ANGEL2: variants seen among roughly 807,000 people sequenced by gnomAD.
ANGEL2 encodes RNA 2',3'-cyclic phosphatase ANGEL2.
ANGEL2 carries 41 observed loss-of-function variants against 66.0 expected under a neutral mutation model. The ratio of observed to expected loss-of-function variants is 0.62; its 90% CI spans 0.48 to 0.81. The LOEUF (loss-of-function observed/expected upper bound fraction) is 0.81, where lower values mean the gene tolerates loss of function less well. Ranked by LOEUF, ANGEL2 falls within the 30% of genes least tolerant of loss-of-function variation. The probability of loss-of-function intolerance (pLI) is 0.00; values close to 1 mark genes in which losing one functional copy is unlikely to be tolerated. For missense variants in ANGEL2, 561 were observed against 641.6 expected, an observed-to-expected ratio of 0.87 and a Z score of 1.36; for synonymous variants, 208 against 226.5, an observed-to-expected ratio of 0.92 and a Z score of 0.73.
chr1:212,995,687 T>G (rs910976774), intron 8 of ANGEL2, among the ~76,000 whole-genome samples: 9 of 152,232 alleles, frequency 5.9e-5, no homozygotes, highest in Non-Finnish European at 1.3e-4. Context: ...AGTGAACTTC[T>G]GTCAGCATGA....
In ANGEL2 at chr1:213,015,624, C is replaced by T; in HGVS notation, c.48G>A (p.Val16=). The T allele has an allele frequency of 6.2e-7, 1 of 1,614,100 alleles. No homozygotes were observed. The highest frequency in any genetic ancestry group is 1.1e-5 in the South Asian group (1 of 91,082). Reference sequence around the variant, plus strand: ...CCAGCCCTACTGACCGGCCTCTTCCCACCACACAGTGGCCGTAGCCCTTCC... The same window carrying T: ...CCAGCCCTACTGACCGGCCTCTTCCTACCACACAGTGGCCGTAGCCCTTCC... ...CVRKGYGHCV[V]GRGRYPMFPH... is the part of the protein sequence containing the mutation. The change falls in exon 1 of 9, where the codon GTG becomes GTA. Residue 16 remains valine (V), a synonymous_variant. Transcript: ENST00000366962.
chr1:212,997,148 T>C lies in ANGEL2; in HGVS notation c.1483+7A>G, dbSNP rs1354780916. The C allele has an allele frequency of 7.4e-6, 12 of 1,611,522 alleles. No homozygotes were observed. The highest frequency in any genetic ancestry group is 1.7e-5 in the Admixed American group (1 of 59,938). On this transcript the variant is annotated splice_region_variant and intron_variant, in intron 8 of 8. Coordinates refer to ENST00000366962, the MANE Select transcript of ANGEL2 (RefSeq NM_144567.5). ...TAGGAGAATTTAAGATTACATGCATTCCTTACCTGGGTGCCCAGCAACATC... is the reference window on the plus strand; with the variant it reads ...TAGGAGAATTTAAGATTACATGCATCCCTTACCTGGGTGCCCAGCAACATC...
At chr1:212,996,640 A>AATATATATATAT (rs34712162) in intron 8 of ANGEL2, among the ~76,000 whole-genome samples, 4 of 66,472 alleles carry the variant, frequency 6.0e-5, no homozygotes, top group African/African-American at 2.8e-4. Flanking sequence ...AAAAAAAAAA[A>AATATATATATAT]ATATATATAT....
At chr1:212,999,510 T>C (rs961569667) in intron 7 of ANGEL2, among the ~76,000 whole-genome samples, 3 of 152,330 alleles carry the variant, frequency 2.0e-5, no homozygotes, top group Non-Finnish European at 2.9e-5. Flanking sequence ...TTCTTATTTA[T>C]GTAGTAATAT....
At chr1:213,004,975 A>T in intron 5 of ANGEL2, 58 bp downstream of exon 5, 2 of 1,371,886 alleles carry the variant, frequency 1.5e-6, no homozygotes, top group Non-Finnish European at 2.0e-6. Context: ...CTATCTTCAC[A>T]TTATCATGAG....
At chr1:213,015,519 G>T in intron 1 of ANGEL2, 94 bp downstream of exon 1, 2 of 369,832 alleles carry the variant, frequency 5.4e-6, no homozygotes, top group South Asian at 2.9e-5. Flanking sequence ...CCCCTAGCCC[G>T]CCCCGCCCCG....
chr1:213,009,554 T>C (rs532960139), intron 2 of ANGEL2, among the ~76,000 whole-genome samples: 3 of 152,210 alleles, frequency 2.0e-5, no homozygotes, highest in Non-Finnish European at 2.9e-5. Context: ...ATTCCACCAA[T>C]CAAAAATTAA....
chr1:212,995,134 T>C lies in ANGEL2; in HGVS notation c.1542A>G (p.Thr514=), dbSNP rs549055917. The C allele has an allele frequency of 6.2e-7, 1 of 1,610,808 alleles. No homozygotes were observed. The highest frequency in any genetic ancestry group is 1.3e-5 in the African/African-American group (1 of 74,958). ...LKLLARLSLL[T]EQDLWTVNGL... Reference sequence around the variant, plus strand: ...CATTAACAGTCCATAAGTCTTGTTCTGTAAGAAGTGACAGTCTAGCTAGAA... The same window carrying C: ...CATTAACAGTCCATAAGTCTTGTTCCGTAAGAAGTGACAGTCTAGCTAGAA... Residue 514 remains threonine, a synonymous_variant, in exon 9 of 9, where the codon ACA becomes ACG. Coordinates refer to ENST00000366962, the MANE Select transcript of ANGEL2 (RefSeq NM_144567.5).
At chr1:213,015,226 T>G in intron 1 of ANGEL2, 1 of 1,061,852 alleles carries the variant, frequency 9.4e-7, no homozygotes, top group Non-Finnish European at 1.1e-6. Context: ...CGAGACCTAC[T>G]GCGGAGAGGC....
rs548101938 is a variant in ANGEL2, at chr1:213,000,393, T to C, written c.1262-10A>G. ...TGTGTCAGATCACTGTCTGTAAGAA[T>C]AGAGGAAAATATATTAATGTTATTG... On this transcript the variant is annotated splice_polypyrimidine_tract_variant and intron_variant, in intron 6 of 8. Transcript: ENST00000366962. 5.9e-5 allele frequency: 95 copies of C among 1,606,762 alleles called. 3 individuals are homozygous for C. In the South Asian group the frequency reaches 9.2e-4, roughly 15 times the overall value.
intron 4 of ANGEL2, among the ~76,000 whole-genome samples, chr1:213,005,893 C>A (rs781218910): frequency 2.3e-4 from 35 of 152,182 alleles, no homozygotes; most frequent in Non-Finnish European, 4.1e-4. Flanking sequence ...ATGTTCTAGG[C>A]ATCGCTTATT....
intron 7 of ANGEL2, among the ~76,000 whole-genome samples, chr1:212,998,915 T>C (rs907763170): frequency 2.4e-4 from 37 of 152,076 alleles, no homozygotes; most frequent in African/African-American, 7.5e-4. Flanking sequence ...AGGCTTGCTT[T>C]GTCACCCAGG....
chr1:213,015,449 T>C, intron 1 of ANGEL2, 164 bp downstream of exon 1: 2 of 1,434,046 alleles, frequency 1.4e-6, no homozygotes, highest in Non-Finnish European at 1.8e-6. Flanking sequence ...CTATCCCGCT[T>C]GGTCTCTGGA....
At chr1:212,998,160 G>A (rs1225504962) in intron 7 of ANGEL2, among the ~76,000 whole-genome samples, 1 of 151,942 alleles carries the variant, frequency 6.6e-6, no homozygotes, top group Admixed American at 6.6e-5. Context: ...GGAAGCCAAG[G>A]CGGGAAGATT....
chr1:213,006,898 T>C lies in ANGEL2; in HGVS notation c.712+231A>G, dbSNP rs78396756. 6.3e-3 allele frequency: 2,513 copies of C among 401,744 alleles called. 51 individuals carry two copies. Among genetic ancestry groups the C allele is most frequent in the African/African-American group, 0.046 (2,243 of 48,678 alleles). The allele number at this position is 401,744 out of a possible 1,614,324, so 24.9% of individuals were successfully genotyped here. On this transcript the variant is annotated intron_variant, in intron 4 of 8. Coordinates refer to ENST00000366962, the MANE Select transcript of ANGEL2 (RefSeq NM_144567.5). ...GACACATGAATTTTCAAAAGTAAAT[T>C]TGGCTAAAAGTTACATTGCCTTGTC...
intron 8 of ANGEL2, among the ~76,000 whole-genome samples, chr1:212,996,640 A>AATATATATAT (rs34712162): frequency 2.6e-4 from 17 of 66,462 alleles, no homozygotes; most frequent in African/African-American, 9.7e-4. Context: ...AAAAAAAAAA[A>AATATATATAT]ATATATATAT....
intron 5 of ANGEL2, among the ~76,000 whole-genome samples, chr1:213,002,996 A>C (rs529544986): frequency 2.7e-4 from 41 of 151,904 alleles, no homozygotes; most frequent in Non-Finnish European, 5.4e-4. Flanking sequence ...TGGATAACCT[A>C]CTGCAGCTTC....
chr1:213,015,011 G>T, intron 1 of ANGEL2: 1 of 537,668 alleles, frequency 1.9e-6, no homozygotes, highest in Non-Finnish European at 2.4e-6. Flanking sequence ...AATGTGGGCA[G>T]CACCTACTGA....
chr1:213,012,150 C>G (rs866815261), intron 2 of ANGEL2, among the ~76,000 whole-genome samples: 6 of 152,302 alleles, frequency 3.9e-5, no homozygotes, highest in Middle Eastern at 6.8e-3. Context: ...CTGTAGACTA[C>G]TTTCTGATAA....
Sources: allele counts gnomAD v4.1 joint callset (sites outside exome capture counted in the v4.1 genomes callset), GRCh38; gene constraint gnomAD v4.1.1; transcripts MANE v1.5; gene names NCBI Gene and HGNC (gene_info 2026-07-23, HGNC 2026-07-21).